Variants in PKLR observed in about 807,000 individuals in gnomAD.
The protein encoded by PKLR is pyruvate kinase PKLR.
PKLR carries 38 observed loss-of-function variants against 53.6 expected under a neutral mutation model. The observed-to-expected ratio is 0.71, with a 90% CI of 0.55 to 0.93. PKLR has a LOEUF of 0.93. PKLR is among the 40% of genes least tolerant of loss of function. The pLI, the probability that PKLR is intolerant of heterozygous loss-of-function variation, is 0.00. For missense variants in PKLR, 702 were observed against 787.3 expected, an observed-to-expected ratio of 0.89 and a Z score of 1.30; for synonymous variants, 328 against 316.2, an observed-to-expected ratio of 1.04 and a Z score of -0.39.
Position 155,290,387 on chromosome 1 carries a change from A to T in PKLR, c.*185T>A, listed in dbSNP as rs946704558. On this transcript the variant is annotated 3_prime_UTR_variant, in exon 11 of 11. Transcript: ENST00000342741. Reference sequence around the variant, plus strand: ...GACCTGTGTGAAATGGAGATGGGGAAGGGGCAACCTCGAAGGGGCTAGATG... The same window carrying T: ...GACCTGTGTGAAATGGAGATGGGGATGGGGCAACCTCGAAGGGGCTAGATG... 7 of 605,730 alleles carry T rather than the reference A, an allele frequency of 1.2e-5. No individual in the cohort carries two copies. The highest frequency in any genetic ancestry group is 2.1e-5 in the Non-Finnish European group (7 of 336,930). 37.5% of individuals were successfully genotyped at this position (605,730 alleles called of 1,614,324 possible). A position where few individuals can be genotyped will look rare whatever the true frequency, so the allele number is the denominator to read the frequency against.
intron 10 of PKLR, among the ~76,000 whole-genome samples, 165 bp from the exon 11 acceptor site, chr1:155,290,843 G>T (rs898498777): frequency 7.3e-5 from 11 of 151,300 alleles, no homozygotes; most frequent in Non-Finnish European, 1.3e-4. Flanking sequence ...ACAAAAATTA[G>T]CTGGGTGTGG....
chr1:155,298,994 C>CTTTCTT (rs1647785302), intron 2 of PKLR, among the ~76,000 whole-genome samples: 2 of 96,756 alleles, frequency 2.1e-5, no homozygotes, highest in Non-Finnish European at 1.9e-5. Flanking sequence ...TTCTTTCTTT[C>CTTTCTT]TTTCTTTCTT....
chr1:155,307,741 T>A, the PKLR span, among the ~76,000 whole-genome samples: 2 of 152,184 alleles, frequency 1.3e-5, no homozygotes, highest in South Asian at 4.1e-4. Flanking sequence ...CTTTCAGAGG[T>A]CGAGGTGGCT....
chr1:155,306,525 G>C, the PKLR span, among the ~76,000 whole-genome samples: 2 of 152,170 alleles, frequency 1.3e-5, no homozygotes, highest in African/African-American at 4.8e-5. This position sits in a 1 kb window ranked among gnomAD's most constrained non-coding sequence, Gnocchi z 4.2. Context: ...AGGGACACCA[G>C]GAGAGACAGA....
rs753384013 is a variant in PKLR, at chr1:155,295,155, T to C, written c.655A>G (p.Ile219Val). 2 of 1,613,948 alleles carry C rather than the reference T, an allele frequency of 1.2e-6. No individual in the cohort carries two copies. Among genetic ancestry groups the C allele is most frequent in the African/African-American group, 1.3e-5 (1 of 74,910 alleles). Reference sequence around the variant, plus strand: ...ACTAGGGAGATGAGCCCGTCGTCAATGTAGATGCGGCCCCCCACCGGCACG... The same window carrying C: ...ACTAGGGAGATGAGCCCGTCGTCAACGTAGATGCGGCCCCCCACCGGCACG... ...RVVPVGGRIY[I>V]DDGLISLVVQ... The change falls in exon 5 of 11, where the codon ATT becomes GTT. Residue 219 changes from isoleucine to valine, a missense_variant. Physicochemically the swap from Ile to Val is conservative, Grantham distance 29. Coordinates refer to ENST00000342741, the MANE Select transcript of PKLR (RefSeq NM_000298.6). This position sits in a 1 kb window ranked among gnomAD's most constrained non-coding sequence, Gnocchi z 4.3.
chr1:155,290,295 T>G lies in PKLR; in HGVS notation c.*277A>C. The G allele has an allele frequency of 1.0e-5, 5 of 493,348 alleles. No homozygotes were observed. Among genetic ancestry groups the G allele is most frequent in the East Asian group, 3.7e-5 (1 of 26,946 alleles). The allele number at this position is 493,348 out of a possible 1,614,324, so 30.6% of individuals were successfully genotyped here. A position where few individuals can be genotyped will look rare whatever the true frequency, so the allele number is the denominator to read the frequency against. Reference sequence around the variant, plus strand: ...GGCATCTTAGGGCCTGCTGAGCAGATTGGATGCAGGGAATGTACAATTGGT... The same window carrying G: ...GGCATCTTAGGGCCTGCTGAGCAGAGTGGATGCAGGGAATGTACAATTGGT... On this transcript the variant is annotated 3_prime_UTR_variant, in exon 11 of 11. Coordinates refer to ENST00000342741, the MANE Select transcript of PKLR (RefSeq NM_000298.6).
At chr1:155,304,640 G>A (rs752345295), upstream of PKLR, among the ~76,000 whole-genome samples, 3 of 152,118 alleles carry the variant, frequency 2.0e-5, no homozygotes, top group Non-Finnish European at 4.4e-5. Flanking sequence ...TTCTAGTGTC[G>A]AGGAGTCTGG....
Position 155,289,925 on chromosome 1 carries a change from A to T in PKLR, c.*647T>A, listed in dbSNP as rs1376871634. On this transcript the variant is annotated 3_prime_UTR_variant, in exon 11 of 11. Transcript: ENST00000342741. Reference sequence around the variant, plus strand: ...TGGGTGCAGAAGGAAGCAGCCGGGGATTTGACCAAGCAGGGTATCAGGCAG... The same window carrying T: ...TGGGTGCAGAAGGAAGCAGCCGGGGTTTTGACCAAGCAGGGTATCAGGCAG... The T allele has an allele frequency of 6.6e-6, 1 of 152,510 alleles. No homozygotes were observed. The allele number at this position is 152,510 out of a possible 1,614,324, so 9.4% of individuals were successfully genotyped here.
In PKLR at chr1:155,301,389, T is replaced by C; in HGVS notation, c.7A>G (p.Ile3Val). Residue 3 changes from isoleucine (I) to valine (V), a missense_variant, in exon 1 of 11, where the codon ATC (isoleucine) becomes GTC (valine). Ile to Val is a conservative substitution (Grantham distance 29, BLOSUM62 3). Transcript: ENST00000342741. Reference sequence around the variant, plus strand: ...TGCAGGGATGATATGTTCTCCTGGATCGACATGCTTTCAGTGTGGGCCTGG... The same window carrying C: ...TGCAGGGATGATATGTTCTCCTGGACCGACATGCTTTCAGTGTGGGCCTGG... Reference protein sequence around the residue: MSIQENISSLQLR... With the variant: MSVQENISSLQLR... The C allele has an allele frequency of 6.2e-7, 1 of 1,613,976 alleles. No individual in the cohort carries two copies. Among genetic ancestry groups the C allele is most frequent in the South Asian group, 1.1e-5 (1 of 91,070 alleles).
At position 155,300,109 on chromosome 1, in the gene PKLR, A is replaced by G. The variant is rs752037743; in HGVS notation, c.272T>C (p.Ile91Thr). 3 of 1,613,742 alleles carry G rather than the reference A, an allele frequency of 1.9e-6. No individual in the cohort carries two copies. The highest frequency in any genetic ancestry group is 2.2e-5 in the East Asian group (1 of 44,892). ...ATGGGAGTGCTTACCGATGGTGGCA[A>G]TGATGCTGGTACTGCGAGCAGCCAC... ...EPVAARSTSI[I>T]ATIGPASRSV... is the part of the protein sequence containing the mutation. The change falls in exon 2 of 11, where the codon ATT (isoleucine) becomes ACT (threonine). Residue 91 changes from isoleucine to threonine, a missense_variant. Physicochemically the swap from Ile to Thr is moderately conservative, Grantham distance 89. Coordinates refer to ENST00000342741, the MANE Select transcript of PKLR (RefSeq NM_000298.6).
At position 155,293,685 on chromosome 1, in the gene PKLR, TCCCAAAATCCA is replaced by T; in HGVS notation, c.1117-106_1117-96del. ...CTCTGACACCCACACTCTCAGAGTG[TCCCAAAATCCA>T]GGGTCACAGTCACAACCCCTGAAAA... On this transcript the variant is annotated intron_variant, in intron 7 of 10. Coordinates refer to ENST00000342741, the MANE Select transcript of PKLR (RefSeq NM_000298.6). This position sits in a 1 kb window ranked among gnomAD's most constrained non-coding sequence, Gnocchi z 4.2. The T allele has an allele frequency of 2.3e-6, 3 of 1,295,644 alleles. No individual in the cohort carries two copies. The highest frequency in any genetic ancestry group is 3.3e-6 in the Non-Finnish European group (3 of 902,366). 80.3% of individuals were successfully genotyped at this position (1,295,644 alleles called of 1,614,324 possible). A position where few individuals can be genotyped will look rare whatever the true frequency, so the allele number is the denominator to read the frequency against.
At position 155,295,183 on chromosome 1, in the gene PKLR, C is replaced by T; in HGVS notation, c.627G>A (p.Arg209=). 1.2e-6 allele frequency: 2 copies of T among 1,614,150 alleles called. No individual in the cohort carries two copies. The highest frequency in any genetic ancestry group is 1.1e-5 in the South Asian group (1 of 91,084). Residue 209 remains arginine, a synonymous_variant, in exon 5 of 11, where the codon CGG becomes CGA. Transcript: ENST00000342741. The surrounding 1 kb of genome is among the most constrained non-coding windows in gnomAD (Gnocchi z 4.3). ...AGATGCGGCCCCCCACCGGCACGAC[C>T]CGGACAATATTGGGGTAGTCCACCC... ...TVWVDYPNIV[R]VVPVGGRIYI...
Position 155,293,125 on chromosome 1 carries a change from AG to A in PKLR, c.1436+51del. On this transcript the variant is annotated intron_variant, in intron 9 of 10. Transcript: ENST00000342741. The surrounding 1 kb of genome is among the most constrained non-coding windows in gnomAD (Gnocchi z 4.2). ...TAAACCCAAGCCTGGGGCCCGTCCC[AG>A]CCCACCCCTGACCCAAAGCTCCATC... 1.9e-6 allele frequency: 2 copies of A among 1,072,470 alleles called. No individual in the cohort carries two copies. Among genetic ancestry groups the A allele is most frequent in the Non-Finnish European group, 2.8e-6 (2 of 715,664 alleles). 66.4% of individuals were successfully genotyped at this position (1,072,470 alleles called of 1,614,324 possible).
At chr1:155,296,188 G>A (rs1647587915) in intron 2 of PKLR, among the ~76,000 whole-genome samples, 1 of 152,132 alleles carries the variant, frequency 6.6e-6, no homozygotes, top group Non-Finnish European at 1.5e-5. Context: ...GCACTGCTAT[G>A]GGGCAGCTGC....
Position 155,300,078 on chromosome 1 carries a change from A to T in PKLR, c.283+20T>A, listed in dbSNP as rs1388615113. On this transcript the variant is annotated intron_variant, in intron 2 of 10. Coordinates refer to ENST00000342741, the MANE Select transcript of PKLR (RefSeq NM_000298.6). ...ATACCAATAGGCCCTGTGTGGCTGC[A>T]GGGGGATGGGAGTGCTTACCGATGG... 6.2e-7 allele frequency: 1 copy of T among 1,611,334 alleles called. No homozygotes were observed. The highest frequency in any genetic ancestry group is 8.5e-7 in the Non-Finnish European group (1 of 1,177,932).
intron 2 of PKLR, 118 bp downstream of exon 2, chr1:155,299,980 T>C: frequency 9.2e-7 from 1 of 1,092,874 alleles, no homozygotes; most frequent in East Asian, 2.4e-5. Flanking sequence ...CAACAAATTT[T>C]TGTTAAATGA....
At chr1:155,301,037 A>G (rs934700036) in intron 1 of PKLR, 99 of 1,545,034 alleles carry the variant, frequency 6.4e-5, no homozygotes, top group Non-Finnish European at 8.6e-5. Context: ...GAAGCCCTGT[A>G]TGCCAGGGGC....
At chr1:155,308,342 C>CA in the PKLR span, among the ~76,000 whole-genome samples, 1 of 152,114 alleles carries the variant, frequency 6.6e-6, no homozygotes, top group African/African-American at 2.4e-5. Context: ...GCTGGGATTA[C>CA]AGGCGTGAGC....
chr1:155,306,004 T>G (rs1648224336), upstream of PKLR, among the ~76,000 whole-genome samples: 1 of 152,044 alleles, frequency 6.6e-6, no homozygotes, highest in Non-Finnish European at 1.5e-5. The surrounding 1 kb of genome is among the most constrained non-coding windows in gnomAD (Gnocchi z 4.2). Flanking sequence ...ATCCCAGATA[T>G]CCCAGTCCCA....
Sources: gnomAD v4.1 joint callset for allele counts (sites outside exome capture counted in the v4.1 genomes callset) on GRCh38, gnomAD v4.1.1 for gene constraint, Gnocchi (gnomAD v3.1) non-coding constraint, MANE v1.5 for transcripts, NCBI Gene and HGNC (gene_info 2026-07-23, HGNC 2026-07-21) for gene names.